The following PLA2G5 variants were observed in gnomAD, a reference collection of about 807,000 sequenced individuals.
PLA2G5 encodes the protein phospholipase A2 group V, also known as Ca2+-dependent phospholipase A2.
A neutral mutation model predicts 15.9 loss-of-function variants in PLA2G5; 12 were observed. The observed-to-expected ratio is 0.76, with a 90% CI of 0.48 to 1.23. The LOEUF (loss-of-function observed/expected upper bound fraction) is 1.23. Among genes scored for constraint, PLA2G5 ranks in the 50% most tolerant of loss-of-function variants. The pLI is 0.00. For synonymous variants in PLA2G5, 71 were observed against 71.4 expected (o/e 0.99, Z 0.03); for missense variants, 169 against 177.1 (o/e 0.95, Z 0.26).
chr1:20,036,680 G>A (rs1338297820), intron 1 of PLA2G5, among the ~76,000 whole-genome samples: 1 of 150,300 alleles, frequency 6.7e-6, no homozygotes, highest in Non-Finnish European at 1.5e-5. Flanking sequence ...TCTTTTTTTT[G>A]TTTGAGACAG....
At chr1:20,040,092 CACAA>C (rs1378614798) in intron 1 of PLA2G5, among the ~76,000 whole-genome samples, 2 of 151,626 alleles carry the variant, frequency 1.3e-5, no homozygotes, top group Non-Finnish European at 2.9e-5. Context: ...CAAACAAACA[CACAA>C]ACAAAAAACT....
chr1:20,085,927 C>T (rs940144965), intron 2 of PLA2G5, among the ~76,000 whole-genome samples, 156 bp from the exon 3 acceptor site: 1 of 152,162 alleles, frequency 6.6e-6, no homozygotes, highest in Admixed American at 6.5e-5. Flanking sequence ...CTCCATACTG[C>T]TTGCACCTCC....
chr1:20,074,079 G>T (rs1333933451), intron 1 of PLA2G5, among the ~76,000 whole-genome samples: 1 of 152,148 alleles, frequency 6.6e-6, no homozygotes, highest in East Asian at 1.9e-4. Context: ...GGTAGTCAGG[G>T]GAGGCCTCCT....
rs1052759460 is a variant in PLA2G5 at position 20,070,236 on chromosome 1, G to T, written c.-240G>T. ...GGTTCTACCCGGCTGGGTCCAGGCA[G>T]AAGTTTTTCCTCCCCACCTCCGGGT... On this transcript the variant is annotated 5_prime_UTR_variant, in exon 1 of 5. Coordinates refer to ENST00000375108, the MANE Select transcript of PLA2G5 (RefSeq NM_000929.3). 6.1e-6 allele frequency: 6 copies of T among 982,412 alleles called. No individual in the cohort carries two copies. The highest frequency in any genetic ancestry group is 5.2e-4 in the Middle Eastern group (1 of 1,936). The allele number at this position is 982,412 out of a possible 1,614,324, so 60.9% of individuals were successfully genotyped here.
At chr1:20,080,435 A>G (rs1211099629) in intron 1 of PLA2G5, among the ~76,000 whole-genome samples, 1 of 152,074 alleles carries the variant, frequency 6.6e-6, no homozygotes, top group African/African-American at 2.4e-5. Context: ...TACAAAAATT[A>G]GCCAGGCGTA....
At chr1:20,088,573 T>C (rs1038708631) in intron 3 of PLA2G5, among the ~76,000 whole-genome samples, 5 of 152,156 alleles carry the variant, frequency 3.3e-5, no homozygotes, top group South Asian at 2.1e-4. Flanking sequence ...GGTCTCATAC[T>C]AATATAAGAT....
intron 1 of PLA2G5, among the ~76,000 whole-genome samples, chr1:20,036,020 A>G (rs1305120442): frequency 1.3e-5 from 2 of 152,120 alleles, no homozygotes; most frequent in Non-Finnish European, 1.5e-5. Context: ...TAGATACGAG[A>G]TTCTTGGTTG....
At chr1:20,033,696 C>G (rs2013093243) in intron 1 of PLA2G5, among the ~76,000 whole-genome samples, 1 of 152,052 alleles carries the variant, frequency 6.6e-6, no homozygotes, top group Admixed American at 6.5e-5. Flanking sequence ...AGAGCAAGGC[C>G]TTGGTTAGAA....
chr1:20,085,879 G>A lies in PLA2G5; in HGVS notation c.41-204G>A, dbSNP rs543644236. Among the ~76,000 whole-genome samples the A allele has an allele frequency of 1.7e-4, 26 of 152,288 alleles. No homozygotes were observed. In the East Asian group the frequency reaches 2.5e-3, roughly 15 times the overall value. ...GTGGCAGAGCCAGGATTTGAACCCA[G>A]GTCTGCTCATTTTTCAATTCCAAAC... On this transcript the variant is annotated intron_variant, in intron 2 of 4. Transcript: ENST00000375108.
intron 1 of PLA2G5, among the ~76,000 whole-genome samples, chr1:20,050,211 C>CT (rs2014116357): frequency 6.6e-6 from 1 of 152,118 alleles, no homozygotes; most frequent in Non-Finnish European, 1.5e-5. Flanking sequence ...AGTTACAGGG[C>CT]TTTGACTCCT....
Position 20,082,068 on chromosome 1 carries a change from A to G in PLA2G5, c.-10-2753A>G, listed in dbSNP as rs568090644. Among the ~76,000 whole-genome samples, 7 of 151,980 alleles carry G rather than the reference A, an allele frequency of 4.6e-5. No individual in the cohort carries two copies. In the South Asian group the frequency reaches 1.5e-3, roughly 32 times the overall value. ...AAAAAAAAGAATTCGACTGAGGGAC[A>G]TAAGGCAGAAGGAGAGACTGAGGCA... On this transcript the variant is annotated intron_variant, in intron 1 of 4. Coordinates refer to ENST00000375108, the MANE Select transcript of PLA2G5 (RefSeq NM_000929.3).
At chr1:20,046,468 CT>C (rs1489870366) in intron 1 of PLA2G5, among the ~76,000 whole-genome samples, 2 of 152,186 alleles carry the variant, frequency 1.3e-5, no homozygotes, top group Admixed American at 6.5e-5. Context: ...AGTTCTTTTA[CT>C]TTTTTTCCAC....
intron 1 of PLA2G5, among the ~76,000 whole-genome samples, chr1:20,073,587 A>T (rs1339929221): frequency 3.3e-5 from 5 of 152,204 alleles, no homozygotes; most frequent in African/African-American, 1.2e-4. Flanking sequence ...ATCAGCCACC[A>T]GATATGCATT....
chr1:20,085,870 T>C (rs1185323579), intron 2 of PLA2G5, among the ~76,000 whole-genome samples: 2 of 152,172 alleles, frequency 1.3e-5, no homozygotes, highest in Non-Finnish European at 2.9e-5. Context: ...GAGCCAGGAT[T>C]TGAACCCAGG....
At chr1:20,035,149 A>G in intron 1 of PLA2G5, among the ~76,000 whole-genome samples, 1 of 152,190 alleles carries the variant, frequency 6.6e-6, no homozygotes. Flanking sequence ...AGAAAGGTAC[A>G]GAAAGAGAGG....
At chr1:20,084,330 T>G (rs146836060) in intron 1 of PLA2G5, among the ~76,000 whole-genome samples, 38 of 152,318 alleles carry the variant, frequency 2.5e-4, no homozygotes, top group African/African-American at 8.4e-4. Flanking sequence ...CACTGTGAGC[T>G]AAAAGGAGTA....
At chr1:20,078,423 C>T (rs2015815850) in intron 1 of PLA2G5, among the ~76,000 whole-genome samples, 1 of 151,544 alleles carries the variant, frequency 6.6e-6, no homozygotes, top group Admixed American at 6.6e-5. Flanking sequence ...GGTGTGTGTT[C>T]GTAGGTGGGG....
intron 1 of PLA2G5, among the ~76,000 whole-genome samples, chr1:20,029,647 G>C (rs566622188): frequency 1.3e-5 from 2 of 152,044 alleles, no homozygotes; most frequent in South Asian, 2.1e-4. Context: ...TACCCAGCAC[G>C]TCCCTTCTCC....
chr1:20,070,444 G>A lies in PLA2G5; in HGVS notation c.-32G>A. On this transcript the variant is annotated 5_prime_UTR_variant, in exon 1 of 5. Coordinates refer to ENST00000375108, the MANE Select transcript of PLA2G5 (RefSeq NM_000929.3). ...TCATGGGAGCAGACCTCTAGAGCAGGATTTGAGGCCAGGCCAAAGAGGTTA... is the reference window on the plus strand; with the variant it reads ...TCATGGGAGCAGACCTCTAGAGCAGAATTTGAGGCCAGGCCAAAGAGGTTA... The A allele has an allele frequency of 1.0e-6, 1 of 985,494 alleles. No homozygotes were observed. Among genetic ancestry groups the A allele is most frequent in the Non-Finnish European group, 1.2e-6 (1 of 829,996 alleles). 61.0% of individuals were successfully genotyped at this position (985,494 alleles called of 1,614,324 possible). A position where few individuals can be genotyped will look rare whatever the true frequency, so the allele number is the denominator to read the frequency against.
Sources: allele counts gnomAD v4.1 joint callset (sites outside exome capture counted in the v4.1 genomes callset), GRCh38; gene constraint gnomAD v4.1.1; transcripts MANE v1.5; gene names NCBI Gene and HGNC (gene_info 2026-07-23, HGNC 2026-07-21).